PTPRD: variants seen among roughly 807,000 people sequenced by gnomAD.
PTPRD encodes protein tyrosine phosphatase receptor type D.
PTPRD carries 34 observed loss-of-function variants against 214.5 expected under a neutral mutation model. The observed-to-expected ratio is 0.16, with a 90% CI of 0.12 to 0.21. PTPRD has a LOEUF of 0.21. Among genes scored for constraint, PTPRD ranks in the 10% least tolerant of loss-of-function variants. The pLI is 1.00. For synonymous variants in PTPRD, 1,128 were observed against 845.7 expected, an observed-to-expected ratio of 1.33 and a Z score of -5.79; for missense variants, 2,545 against 2,398.7, an observed-to-expected ratio of 1.06 and a Z score of -1.27.
At chr9:9,898,303 C>G (rs1422236127) in intron 5 of PTPRD, among the ~76,000 whole-genome samples, 3 of 152,036 alleles carry the variant, frequency 2.0e-5, no homozygotes, top group East Asian at 1.9e-4. Context: ...ATTCCTTATT[C>G]AATGGTATGC....
chr9:8,666,222 A>T (rs527416096), intron 12 of PTPRD, among the ~76,000 whole-genome samples: 84 of 152,308 alleles, frequency 5.5e-4, no homozygotes, highest in African/African-American at 1.8e-3. Context: ...CATTTGAGCA[A>T]ATCATTAAAC....
intron 2 of PTPRD, among the ~76,000 whole-genome samples, chr9:10,407,946 C>A (rs1342822497): frequency 2.6e-5 from 4 of 151,130 alleles, no homozygotes; most frequent in African/African-American, 4.9e-5. Context: ...TGGAAGAAGG[C>A]GATGATTTCT....
At chr9:9,549,135 T>C in intron 8 of PTPRD, among the ~76,000 whole-genome samples, 1 of 152,068 alleles carries the variant, frequency 6.6e-6, no homozygotes, top group African/African-American at 2.4e-5. Flanking sequence ...AGCACAAACT[T>C]ATAAAAGAAA....
At chr9:10,338,664 G>T (rs971074410) in intron 3 of PTPRD, among the ~76,000 whole-genome samples, 41 of 151,676 alleles carry the variant, frequency 2.7e-4, no homozygotes, top group African/African-American at 9.4e-4. Flanking sequence ...TACTTGAATA[G>T]GTCCTACGTC....
intron 11 of PTPRD, among the ~76,000 whole-genome samples, chr9:8,844,706 A>T (rs1488254707): frequency 2.0e-5 from 3 of 152,206 alleles, no homozygotes; most frequent in African/African-American, 7.2e-5. Flanking sequence ...ATGGTCCAAT[A>T]ATAGCCAAAT....
At chr9:9,240,477 C>T (rs180992340) in intron 9 of PTPRD, among the ~76,000 whole-genome samples, 2 of 152,226 alleles carry the variant, frequency 1.3e-5, no homozygotes, top group African/African-American at 2.4e-5. Flanking sequence ...TCAAGACCAG[C>T]CTGGCCAGCA....
intron 11 of PTPRD, among the ~76,000 whole-genome samples, chr9:8,974,733 G>A (rs779751064): frequency 2.6e-5 from 4 of 151,884 alleles, no homozygotes; most frequent in Admixed American, 6.6e-5. Context: ...GATGCAGACA[G>A]TAATAGTATA....
At chr9:10,045,398 C>T (rs958507486) in intron 3 of PTPRD, among the ~76,000 whole-genome samples, 5 of 151,598 alleles carry the variant, frequency 3.3e-5, no homozygotes, top group African/African-American at 9.7e-5. Context: ...TATAAAGTGG[C>T]TACCGTATTT....
At chr9:8,692,080 T>TA (rs2097818826) in intron 12 of PTPRD, among the ~76,000 whole-genome samples, 2 of 152,196 alleles carry the variant, frequency 1.3e-5, no homozygotes, top group African/African-American at 4.8e-5. Context: ...TTTTTGATCA[T>TA]ATTTCCTTCT....
intron 12 of PTPRD, among the ~76,000 whole-genome samples, chr9:8,733,576 G>A (rs923216578): frequency 1.3e-5 from 2 of 152,130 alleles, no homozygotes; most frequent in African/African-American, 4.8e-5. Flanking sequence ...CACAAGAAAA[G>A]GGGCATTAAA....
intron 11 of PTPRD, among the ~76,000 whole-genome samples, chr9:8,874,261 T>G (rs1236396323): frequency 1.3e-5 from 2 of 152,224 alleles, no homozygotes; most frequent in South Asian, 4.1e-4. Flanking sequence ...ACCCTTCAAC[T>G]GTAAACTCAG....
rs1405791735 is a variant in PTPRD at position 8,555,658 on chromosome 9, G to A, written c.353-26879C>T. Among the ~76,000 whole-genome samples, 3 of 152,172 alleles carry A rather than the reference G, an allele frequency of 2.0e-5. No homozygotes were observed. In the East Asian group the frequency reaches 5.8e-4, roughly 29 times the overall value. On this transcript the variant is annotated intron_variant, in intron 14 of 45. Transcript: ENST00000381196. Reference sequence around the variant, plus strand: ...GGACATCTCTCCAAAATGGGATCTGGTTTTTATTTTAGACACAACTTAGAA... The same window carrying A: ...GGACATCTCTCCAAAATGGGATCTGATTTTTATTTTAGACACAACTTAGAA...
At chr9:9,058,671 G>T (rs561336339) in intron 10 of PTPRD, among the ~76,000 whole-genome samples, 234 of 150,920 alleles carry the variant, frequency 1.6e-3, no homozygotes, top group Non-Finnish European at 2.5e-3. Context: ...GGATGGTCTC[G>T]ATCTCCTGAC....
intron 9 of PTPRD, among the ~76,000 whole-genome samples, chr9:9,295,018 T>C (rs1952518941): frequency 6.6e-6 from 1 of 151,738 alleles, no homozygotes; most frequent in South Asian, 2.1e-4. Context: ...AAGTAAAACA[T>C]GTATTAGTTA....
chr9:9,759,078 T>G (rs1350042997), intron 6 of PTPRD, among the ~76,000 whole-genome samples: 1 of 152,166 alleles, frequency 6.6e-6, no homozygotes, highest in Non-Finnish European at 1.5e-5. Flanking sequence ...CCAATTTTGA[T>G]GATTTCCGTA....
chr9:9,885,735 G>T (rs1203471804), intron 5 of PTPRD, among the ~76,000 whole-genome samples: 1 of 151,990 alleles, frequency 6.6e-6, no homozygotes, highest in Non-Finnish European at 1.5e-5. Context: ...TTATCCCCCA[G>T]ATCTTCTAGA....
intron 11 of PTPRD, among the ~76,000 whole-genome samples, chr9:8,964,920 T>C (rs2099183538): frequency 6.6e-6 from 1 of 152,162 alleles, no homozygotes; most frequent in Admixed American, 6.6e-5. Flanking sequence ...ATGGATGGTA[T>C]AATTTTGATT....
At chr9:8,509,910 T>C (rs1174402311) in intron 21 of PTPRD, among the ~76,000 whole-genome samples, 1 of 152,194 alleles carries the variant, frequency 6.6e-6, no homozygotes, top group Non-Finnish European at 1.5e-5. Flanking sequence ...TCATCTAATG[T>C]ACAGGGGGTT....
At chr9:10,251,497 A>T (rs2092765100) in intron 3 of PTPRD, among the ~76,000 whole-genome samples, 2 of 152,106 alleles carry the variant, frequency 1.3e-5, no homozygotes, top group Admixed American at 6.6e-5. Flanking sequence ...GATTTACAAC[A>T]AGTTGCTTAG....
Sources: gnomAD v4.1 joint callset for allele counts (sites outside exome capture counted in the v4.1 genomes callset) on GRCh38, gnomAD v4.1.1 for gene constraint, MANE v1.5 for transcripts, NCBI Gene and HGNC (gene_info 2026-07-23, HGNC 2026-07-21) for gene names.